RAD51B: variants seen among roughly 807,000 people sequenced by gnomAD.
RAD51B encodes DNA repair protein RAD51 homolog 2.
Under a neutral mutation model 42.2 loss-of-function variants are expected in RAD51B, and 38 were observed. The observed-to-expected ratio is 0.90, with a 90% CI of 0.70 to 1.18. The LOEUF is 1.18. RAD51B is among the 50% of genes most tolerant of loss of function. RAD51B has a pLI of 0.00. For missense variants in RAD51B, 373 were observed against 400.7 expected, an observed-to-expected ratio of 0.93 and a Z score of 0.59; for synonymous variants, 154 against 145.2, an observed-to-expected ratio of 1.06 and a Z score of -0.43.
intron 5 of RAD51B, among the ~76,000 whole-genome samples, chr14:67,877,785 C>G (rs2042774577): frequency 6.6e-6 from 1 of 152,178 alleles, no homozygotes; most frequent in African/African-American, 2.4e-5. Flanking sequence ...GCTTTAGCCT[C>G]CCAAATAGCT....
Position 68,291,937 on chromosome 14 carries a change from G to A in RAD51B, c.810G>A (p.Gln270=), listed in dbSNP as rs1410649331. The stretch of plus-strand genomic sequence containing the variant: ...ATCTGAGTGGAGCCCTGGCTTCTCA[G>A]GCAGACCTGGTGTCTCCAGCTGATG... The part of the protein sequence containing the change: ...TTHLSGALAS[Q]ADLVSPADDL... Residue 270 remains glutamine (Q), a synonymous_variant, in exon 8 of 11, where the codon CAG becomes CAA. Coordinates refer to ENST00000471583, the MANE Select transcript of RAD51B (RefSeq NM_133510.4). The A allele has an allele frequency of 1.2e-6, 2 of 1,613,892 alleles. No homozygotes were observed. The highest frequency in any genetic ancestry group is 8.5e-7 in the Non-Finnish European group (1 of 1,179,834).
chr14:68,492,730 T>C (rs1884173194), intron 10 of RAD51B, among the ~76,000 whole-genome samples: 3 of 152,326 alleles, frequency 2.0e-5, no homozygotes, highest in African/African-American at 7.2e-5. Flanking sequence ...AGGCAGTGTC[T>C]GTGCCTAGTG....
chr14:67,823,502 G>GT (rs2140274095), intron 1 of RAD51B, 40 bp from the exon 2 acceptor site: 3 of 1,573,632 alleles, frequency 1.9e-6, no homozygotes, highest in Admixed American at 1.7e-5. Context: ...ATATTCTGTT[G>GT]TTTTTTTCAT....
Position 68,291,889 on chromosome 14 carries a change from C to T in RAD51B, c.762C>T (p.Ile254=). The T allele has an allele frequency of 6.2e-7, 1 of 1,612,752 alleles. No individual in the cohort carries two copies. Among genetic ancestry groups the T allele is most frequent in the Non-Finnish European group, 8.5e-7 (1 of 1,178,864 alleles). The change falls in exon 8 of 11, where the codon ATC becomes ATT. Residue 254 remains isoleucine (I), a synonymous_variant. Transcript: ENST00000471583. The part of the protein sequence containing the change: ...YLAEEFSIPV[I]LTNQITTHLS... ...TTCTCCCTGTCTGTTCACAGGTTATCTTGACGAATCAGATTACAACCCATC... is the reference window on the plus strand; with the variant it reads ...TTCTCCCTGTCTGTTCACAGGTTATTTTGACGAATCAGATTACAACCCATC...
chr14:68,170,215 C>T (rs1244411705), intron 7 of RAD51B, among the ~76,000 whole-genome samples: 6 of 152,170 alleles, frequency 3.9e-5, no homozygotes, highest in African/African-American at 7.2e-5. Context: ...TGGTGGTTTT[C>T]CCTCCCAAGC....
chr14:68,388,074 G>GTATATA (rs1195024727), intron 8 of RAD51B, among the ~76,000 whole-genome samples: 1 of 118,668 alleles, frequency 8.4e-6, no homozygotes, highest in African/African-American at 3.7e-5. Context: ...GTGTGTGTGT[G>GTATATA]TGTGTATATA....
chr14:68,294,090 T>C (rs1156703875), intron 8 of RAD51B, among the ~76,000 whole-genome samples: 1 of 152,222 alleles, frequency 6.6e-6, no homozygotes, highest in African/African-American at 2.4e-5. Flanking sequence ...GCTTCCTTAT[T>C]TGAAAATCAG....
downstream of RAD51B, among the ~76,000 whole-genome samples, chr14:68,615,092 C>T (rs909130576): frequency 2.6e-5 from 4 of 152,142 alleles, no homozygotes; most frequent in East Asian, 1.9e-4. Context: ...AAGATGGTCT[C>T]GATCTCTTGA....
chr14:68,271,257 C>T (rs1182495636), intron 7 of RAD51B, among the ~76,000 whole-genome samples: 1 of 151,130 alleles, frequency 6.6e-6, no homozygotes, highest in Non-Finnish European at 1.5e-5. Context: ...GTGCCTACAG[C>T]AGTGCTTGGT....
At chr14:68,351,861 G>T in intron 8 of RAD51B, among the ~76,000 whole-genome samples, 1 of 152,234 alleles carries the variant, frequency 6.6e-6, no homozygotes, top group East Asian at 1.9e-4. Context: ...GATCCCACTA[G>T]CTGCAGTGTA....
intron 5 of RAD51B, among the ~76,000 whole-genome samples, chr14:67,880,807 GT>G (rs1332488171): frequency 6.6e-6 from 1 of 152,086 alleles, no homozygotes; most frequent in Non-Finnish European, 1.5e-5. Context: ...TTTCAAGAGT[GT>G]TAGGTTTTGT....
At position 68,477,874 on chromosome 14, in the gene RAD51B, G is replaced by T; in HGVS notation, c.*210G>T. 7.1e-7 allele frequency: 1 copy of T among 1,402,774 alleles called. No individual in the cohort carries two copies. The highest frequency in any genetic ancestry group is 9.3e-7 in the Non-Finnish European group (1 of 1,080,312). The allele number at this position is 1,402,774 out of a possible 1,614,324, so 86.9% of individuals were successfully genotyped here. On this transcript the variant is annotated 3_prime_UTR_variant, in exon 11 of 11. Coordinates refer to ENST00000471583, the MANE Select transcript of RAD51B (RefSeq NM_133510.4). ...TGAAGATGAAGAAGCCTTTGTTCAG[G>T]TCTCTAGATGTGTAGGGCTGAGGGC...
At chr14:68,575,657 A>G (rs1017453451) in intron 10 of RAD51B, among the ~76,000 whole-genome samples, 39 of 152,302 alleles carry the variant, frequency 2.6e-4, no homozygotes, top group African/African-American at 8.4e-4. Context: ...AGCAACTCCC[A>G]GGGCCCCTGA....
At chr14:68,040,353 C>T (rs953259944) in intron 7 of RAD51B, among the ~76,000 whole-genome samples, 2 of 152,052 alleles carry the variant, frequency 1.3e-5, no homozygotes, top group Non-Finnish European at 2.9e-5. Context: ...ATCTCTGTAC[C>T]GCTTGTACTT....
rs33929366 is a variant in RAD51B at position 67,887,196 on chromosome 14, T to G, written c.748T>G (p.Ser250Ala). The stretch of plus-strand genomic sequence containing the variant: ...CTTGAAGTATTTGGCTGAGGAGTTT[T>G]CAATCCCAGTAAGTTTTTCTTTTTT... ...SSLKYLAEEF[S>A]IPVILTNQIT... Residue 250 changes from serine (S) to alanine (A), a missense_variant, in exon 7 of 11, where the codon TCA (serine) becomes GCA (alanine). Coordinates refer to ENST00000471583, the MANE Select transcript of RAD51B (RefSeq NM_133510.4). 1.6e-3 allele frequency: 2,500 copies of G among 1,606,150 alleles called. 35 individuals carry two copies. The African/African-American group carries it at 0.03, about 19-fold the overall frequency.
chr14:68,574,222 C>A (rs1342922145), intron 10 of RAD51B, among the ~76,000 whole-genome samples: 1 of 152,184 alleles, frequency 6.6e-6, no homozygotes, highest in Admixed American at 6.5e-5. Context: ...AATACTGCCG[C>A]CTCAGCCTCC....
intron 7 of RAD51B, among the ~76,000 whole-genome samples, chr14:68,290,199 T>A (rs1322720757): frequency 6.6e-6 from 1 of 152,212 alleles, no homozygotes; most frequent in Non-Finnish European, 1.5e-5. Context: ...TAGCTGACCC[T>A]TGTTTCAGAC....
intron 8 of RAD51B, chr14:68,387,014 A>G (rs1482964872): frequency 1.3e-5 from 2 of 152,232 alleles, no homozygotes; most frequent in Non-Finnish European, 2.9e-5. Flanking sequence ...TTATTTATGC[A>G]TTTAAGTCAC....
chr14:68,602,928 C>A (rs1169492080), intron 10 of RAD51B, among the ~76,000 whole-genome samples: 7 of 152,308 alleles, frequency 4.6e-5, no homozygotes, highest in African/African-American at 1.7e-4. Context: ...AAAACCTAAA[C>A]ACCCATATGC....
Sources: allele counts gnomAD v4.1 joint callset (sites outside exome capture counted in the v4.1 genomes callset), GRCh38; gene constraint gnomAD v4.1.1; transcripts MANE v1.5; gene names NCBI Gene and HGNC (gene_info 2026-07-23, HGNC 2026-07-21).